MAF: variants seen among roughly 807,000 people sequenced by gnomAD.
MAF encodes the protein transcription factor Maf.
Under a neutral mutation model 22.0 loss-of-function variants are expected in MAF, and 10 were observed. That is an observed-to-expected ratio of 0.45 (90% CI 0.28 to 0.77). The LOEUF is 0.77. Ranked by LOEUF, MAF falls within the 30% of genes least tolerant of loss-of-function variation. MAF has a pLI of 0.12. For missense variants in MAF, 544 were observed against 548.4 expected (o/e 0.99, Z 0.08); for synonymous variants, 337 against 255.8 (o/e 1.32, Z -3.03).
At chr16:79,597,654 C>T in intron 1 of MAF, 1 of 1,021,004 alleles carries the variant, frequency 9.8e-7, no homozygotes, top group Non-Finnish European at 1.2e-6. Context: ...TCTACGGTTG[C>T]ACTGTTTTGT....
At chr16:79,303,451 G>A in the MAF span, among the ~76,000 whole-genome samples, 1 of 152,102 alleles carries the variant, frequency 6.6e-6, no homozygotes, top group Non-Finnish European at 1.5e-5. Flanking sequence ...ACACTACCCA[G>A]GCAGCAATTC....
chr16:79,585,328 A>T (rs554275142), downstream of MAF, among the ~76,000 whole-genome samples: 4 of 152,318 alleles, frequency 2.6e-5, no homozygotes, highest in African/African-American at 9.6e-5. Flanking sequence ...GAGGGGATCC[A>T]TAGTCACATT....
At chr16:79,244,104 G>C in the MAF span, among the ~76,000 whole-genome samples, 1 of 151,958 alleles carries the variant, frequency 6.6e-6, no homozygotes, top group African/African-American at 2.4e-5. Context: ...TCCACAGCCA[G>C]TATCATACTG....
the MAF span, among the ~76,000 whole-genome samples, chr16:79,278,078 C>T: frequency 1.3e-5 from 2 of 152,210 alleles, no homozygotes; most frequent in East Asian, 1.9e-4. Context: ...TAAAACTGTA[C>T]TAAGTGAATA....
At chr16:79,569,615 T>C in the MAF span, among the ~76,000 whole-genome samples, 77,082 of 152,050 alleles carry the variant, frequency 0.51, 20,243 homozygotes, top group South Asian at 0.58. Context: ...GATTCTGATG[T>C]TCACTGAAGT....
At chr16:79,274,191 G>C in the MAF span, among the ~76,000 whole-genome samples, 1 of 151,726 alleles carries the variant, frequency 6.6e-6, no homozygotes, top group East Asian at 1.9e-4. Flanking sequence ...CTGACCTCAG[G>C]TGATCCACCT....
the MAF span, among the ~76,000 whole-genome samples, chr16:79,300,657 A>G: frequency 4.6e-5 from 7 of 152,128 alleles, no homozygotes; most frequent in Admixed American, 1.3e-4. Flanking sequence ...ATAAAAACCA[A>G]ATCAATTAGA....
At chr16:79,331,747 C>G in the MAF span, among the ~76,000 whole-genome samples, 1 of 152,148 alleles carries the variant, frequency 6.6e-6, no homozygotes, top group Non-Finnish European at 1.5e-5. Flanking sequence ...CCCTGGCCTC[C>G]TTTCTGCCCC....
chr16:79,212,393 A>C, the MAF span: 1 of 461,008 alleles, frequency 2.2e-6, no homozygotes, highest in African/African-American at 1.9e-5. Context: ...CAGGTGGCAA[A>C]GTACTTGTCA....
At chr16:79,278,113 A>G in the MAF span, among the ~76,000 whole-genome samples, 13 of 152,222 alleles carry the variant, frequency 8.5e-5, no homozygotes, top group African/African-American at 3.1e-4. Context: ...TCCTTTCAAC[A>G]GGACACAGCT....
At chr16:79,240,028 A>T in the MAF span, among the ~76,000 whole-genome samples, 1 of 152,032 alleles carries the variant, frequency 6.6e-6, no homozygotes, top group African/African-American at 2.4e-5. Flanking sequence ...TAAATGGGTT[A>T]TCAAGGTGGG....
chr16:79,317,873 G>A, the MAF span, among the ~76,000 whole-genome samples: 1 of 152,038 alleles, frequency 6.6e-6, no homozygotes, highest in East Asian at 1.9e-4. Flanking sequence ...CATTTGGAGA[G>A]TATTTACTAT....
the MAF span, among the ~76,000 whole-genome samples, chr16:79,431,552 G>C: frequency 6.6e-6 from 1 of 152,280 alleles, no homozygotes; most frequent in Middle Eastern, 3.4e-3. Context: ...TTGGGTCTCA[G>C]TTTCTCTATA....
At chr16:79,522,929 A>G in the MAF span, among the ~76,000 whole-genome samples, 1 of 152,222 alleles carries the variant, frequency 6.6e-6, no homozygotes, top group Non-Finnish European at 1.5e-5. Context: ...TTAGATTTCA[A>G]ATTCCAGAGA....
the MAF span, among the ~76,000 whole-genome samples, chr16:79,356,620 C>T: frequency 6.6e-6 from 1 of 152,182 alleles, no homozygotes; most frequent in Non-Finnish European, 1.5e-5. Flanking sequence ...TTTCCTTCAC[C>T]ATTCACTCCA....
At chr16:79,540,845 A>G in the MAF span, among the ~76,000 whole-genome samples, 3 of 152,064 alleles carry the variant, frequency 2.0e-5, no homozygotes, top group Admixed American at 2.0e-4. Flanking sequence ...GTCTGTAAAA[A>G]ATTTAGCGGC....
chr16:79,293,552 G>T, the MAF span, among the ~76,000 whole-genome samples: 1 of 152,176 alleles, frequency 6.6e-6, no homozygotes, highest in Non-Finnish European at 1.5e-5. Flanking sequence ...AATGAGTGAT[G>T]CTAGACACCC....
At chr16:79,284,907 G>A in the MAF span, among the ~76,000 whole-genome samples, 2 of 152,108 alleles carry the variant, frequency 1.3e-5, no homozygotes, top group African/African-American at 4.8e-5. Flanking sequence ...TCTCCCCCCA[G>A]CCAACAGTCC....
chr16:79,471,049 C>T, the MAF span, among the ~76,000 whole-genome samples: 56 of 152,182 alleles, frequency 3.7e-4, no homozygotes, highest in African/African-American at 1.4e-3. Context: ...ATCATTCTTG[C>T]AGATGTGTGT....
Sources: allele counts gnomAD v4.1 joint callset (sites outside exome capture counted in the v4.1 genomes callset), GRCh38; gene constraint gnomAD v4.1.1; transcripts MANE v1.5; gene names NCBI Gene and HGNC (gene_info 2026-07-23, HGNC 2026-07-21).